The following MAML3 variants were observed in gnomAD, a reference collection of about 807,000 sequenced individuals.
The protein encoded by MAML3 is mastermind-like protein 3.
In MAML3, 27 loss-of-function variants were observed where a neutral mutation model predicts 101.9. That is an observed-to-expected ratio of 0.27 (90% confidence interval 0.20 to 0.37). The LOEUF is 0.37. MAML3 is among the 10% of genes least tolerant of loss of function. The pLI, the probability that MAML3 is intolerant of heterozygous loss-of-function variation, is 1.00. For missense variants in MAML3, 1,316 were observed against 1,444.9 expected (o/e 0.91, Z 1.45); for synonymous variants, 501 against 555.9 (o/e 0.90, Z 1.39).
intron 1 of MAML3, among the ~76,000 whole-genome samples, chr4:140,032,324 C>T (rs1726920735): frequency 6.6e-6 from 1 of 152,196 alleles, no homozygotes; most frequent in Non-Finnish European, 1.5e-5. Flanking sequence ...AGTGGCTGCT[C>T]CAGCCTATCT....
chr4:139,787,933 T>G (rs1306654276), intron 2 of MAML3, among the ~76,000 whole-genome samples: 2 of 152,248 alleles, frequency 1.3e-5, no homozygotes, highest in Non-Finnish European at 2.9e-5. Flanking sequence ...TACTTAACTC[T>G]CTACTTTAGG....
intron 2 of MAML3, among the ~76,000 whole-genome samples, chr4:139,786,918 CG>C (rs1360496408): frequency 6.6e-6 from 1 of 152,176 alleles, no homozygotes; most frequent in Admixed American, 6.5e-5. Flanking sequence ...TTATTCCACC[CG>C]GGGACATCCC....
intron 1 of MAML3, among the ~76,000 whole-genome samples, chr4:140,050,532 C>T (rs1352390683): frequency 1.3e-5 from 2 of 151,618 alleles, no homozygotes; most frequent in African/African-American, 2.4e-5. Context: ...TGTACATCCT[C>T]GCACCGCCTC....
intron 1 of MAML3, among the ~76,000 whole-genome samples, chr4:139,928,090 T>C (rs1230236958): frequency 6.6e-6 from 1 of 152,216 alleles, no homozygotes; most frequent in Non-Finnish European, 1.5e-5. Flanking sequence ...TGTATATATG[T>C]ACATTTAAAA....
At chr4:140,150,733 C>T (rs919077292) in intron 1 of MAML3, among the ~76,000 whole-genome samples, 1 of 152,102 alleles carries the variant, frequency 6.6e-6, no homozygotes, top group African/African-American at 2.4e-5. Context: ...AAGTGAATCT[C>T]CTCCTCCGTG....
chr4:139,808,195 T>G (rs574112740), intron 2 of MAML3, among the ~76,000 whole-genome samples: 1 of 152,248 alleles, frequency 6.6e-6, no homozygotes, highest in Non-Finnish European at 1.5e-5. Context: ...GAGCTCAACT[T>G]ATCCATCATT....
At chr4:140,069,375 AAGAAGAAGAAGGAGG>A (rs1209180814) in intron 1 of MAML3, among the ~76,000 whole-genome samples, 1 of 131,362 alleles carries the variant, frequency 7.6e-6, no homozygotes, top group Admixed American at 8.1e-5. Flanking sequence ...GAAGAAGAAG[AAGAAGAAGAAGGAGG>A]AGGAGGAGGA....
At chr4:139,771,249 T>C (rs1729973719) in intron 2 of MAML3, among the ~76,000 whole-genome samples, 1 of 152,240 alleles carries the variant, frequency 6.6e-6, no homozygotes, top group African/African-American at 2.4e-5. Context: ...CTGTACACTG[T>C]TCTGGGTCCA....
intron 4 of MAML3, among the ~76,000 whole-genome samples, chr4:139,721,499 CA>C (rs1390109105): frequency 6.6e-6 from 1 of 152,166 alleles, no homozygotes; most frequent in African/African-American, 2.4e-5. Flanking sequence ...GATGAGAAAC[CA>C]GATGAGAATA....
chr4:139,722,119 G>T (rs1294623115), intron 4 of MAML3, among the ~76,000 whole-genome samples: 1 of 152,186 alleles, frequency 6.6e-6, no homozygotes, highest in African/African-American at 2.4e-5. Context: ...ACTAGATACT[G>T]TCTGGAATAA....
intron 1 of MAML3, among the ~76,000 whole-genome samples, chr4:139,958,553 CTGGGAAAT>C (rs1645824831): frequency 6.6e-6 from 1 of 152,124 alleles, no homozygotes; most frequent in South Asian, 2.1e-4. Context: ...AGGGGGAAGA[CTGGGAAAT>C]GCTCCATGAG....
chr4:139,994,327 T>C (rs758353207), intron 1 of MAML3, among the ~76,000 whole-genome samples: 3 of 152,240 alleles, frequency 2.0e-5, no homozygotes, highest in Non-Finnish European at 4.4e-5. Context: ...TTATTGGGAA[T>C]GGAATTGGGT....
intron 1 of MAML3, among the ~76,000 whole-genome samples, chr4:140,123,663 C>T (rs899508411): frequency 6.6e-6 from 1 of 152,160 alleles, no homozygotes; most frequent in Admixed American, 6.5e-5. Context: ...TATTGTTCCC[C>T]ACCACTTAGA....
chr4:140,094,384 T>C (rs1379959793), intron 1 of MAML3, among the ~76,000 whole-genome samples: 2 of 152,150 alleles, frequency 1.3e-5, no homozygotes, highest in African/African-American at 2.4e-5. Flanking sequence ...ATCTGTTCGG[T>C]GCATAACAAA....
intron 2 of MAML3, among the ~76,000 whole-genome samples, chr4:139,886,793 T>C (rs1039755673): frequency 1.3e-5 from 2 of 152,316 alleles, no homozygotes; most frequent in Middle Eastern, 6.8e-3. Flanking sequence ...ATAAAACACA[T>C]TCAAAATTTT....
chr4:139,734,491 C>T (rs369165248), intron 2 of MAML3, among the ~76,000 whole-genome samples: 4 of 152,328 alleles, frequency 2.6e-5, no homozygotes, highest in African/African-American at 9.6e-5. Context: ...CTTCACTACT[C>T]GCCCAACCCT....
chr4:139,774,092 C>T (rs1730046972), intron 2 of MAML3, among the ~76,000 whole-genome samples: 1 of 152,160 alleles, frequency 6.6e-6, no homozygotes, highest in African/African-American at 2.4e-5. Context: ...GTGCCTGAGC[C>T]ACAGAAAAGA....
At position 140,064,136 on chromosome 4, in the gene MAML3, T is replaced by C. The variant is rs186757325; in HGVS notation, c.468+88724A>G. On this transcript the variant is annotated intron_variant, in intron 1 of 4. Coordinates refer to ENST00000509479, the MANE Select transcript of MAML3 (RefSeq NM_018717.5). ...AGACGTAAACTTTGTATTTTAATAATTTGGTTCTAATCCATATTTAATCAC... is the reference window on the plus strand; with the variant it reads ...AGACGTAAACTTTGTATTTTAATAACTTGGTTCTAATCCATATTTAATCAC... Among the ~76,000 whole-genome samples the C allele has an allele frequency of 5.9e-5, 9 of 152,334 alleles. No individual in the cohort carries two copies. In the East Asian group the frequency reaches 1.4e-3, roughly 23 times the overall value.
chr4:139,927,995 G>A (rs560097914), intron 1 of MAML3, among the ~76,000 whole-genome samples: 5 of 152,234 alleles, frequency 3.3e-5, no homozygotes, highest in East Asian at 1.9e-4. Flanking sequence ...AACAGACAGC[G>A]CTCAGTAATA....
Sources: allele counts gnomAD v4.1 joint callset (sites outside exome capture counted in the v4.1 genomes callset), GRCh38; gene constraint gnomAD v4.1.1; transcripts MANE v1.5; gene names NCBI Gene and HGNC (gene_info 2026-07-23, HGNC 2026-07-21).